SEL1L3: variants seen among roughly 807,000 people sequenced by gnomAD.
SEL1L3 encodes the protein SEL1L family member 3, also known as protein sel-1 homolog 3.
Under a neutral mutation model 142.8 loss-of-function variants are expected in SEL1L3, and 76 were observed. The observed-to-expected ratio is 0.53, with a 90% confidence interval of 0.44 to 0.64. SEL1L3 has a LOEUF of 0.64. Among genes scored for constraint, SEL1L3 ranks in the 30% least tolerant of loss-of-function variants. The probability of loss-of-function intolerance (pLI) is 0.00; values close to 1 mark genes in which losing one functional copy is unlikely to be tolerated. For missense variants in SEL1L3, 1,262 were observed against 1,381.7 expected, an observed-to-expected ratio of 0.91 and a Z score of 1.37; for synonymous variants, 504 against 519.6, an observed-to-expected ratio of 0.97 and a Z score of 0.41.
chr4:25,728,540 C>T, the SEL1L3 span, among the ~76,000 whole-genome samples: 1 of 152,154 alleles, frequency 6.6e-6, no homozygotes, highest in Non-Finnish European at 1.5e-5. Context: ...TTCCTACCTA[C>T]CTGTCCAAAA....
the SEL1L3 span, among the ~76,000 whole-genome samples, chr4:25,730,505 C>G: frequency 3.4e-4 from 52 of 152,216 alleles, no homozygotes; most frequent in African/African-American, 1.0e-3. Context: ...ATCCCTCCAA[C>G]ACATACGCAC....
chr4:25,785,971 C>G (rs993696603), intron 13 of SEL1L3, among the ~76,000 whole-genome samples: 1 of 152,062 alleles, frequency 6.6e-6, no homozygotes, highest in Non-Finnish European at 1.5e-5. Flanking sequence ...AGTGGGATGA[C>G]TTTTCTTGCA....
chr4:25,782,473 T>C (rs1274059402), intron 14 of SEL1L3, 55 bp from the exon 15 acceptor site: 1 of 1,481,636 alleles, frequency 6.7e-7, no homozygotes, highest in Non-Finnish European at 9.2e-7. Flanking sequence ...TCTAGAGAGC[T>C]CTGGAAGCAA....
chr4:25,756,118 C>T (rs1200034126), intron 23 of SEL1L3: 146 of 985,300 alleles, frequency 1.5e-4, no homozygotes, highest in Non-Finnish European at 1.6e-4. Flanking sequence ...CTTTCACTTT[C>T]CATTATCTGC....
intron 1 of SEL1L3, among the ~76,000 whole-genome samples, chr4:25,850,020 C>T (rs559781355): frequency 1.5e-4 from 23 of 152,168 alleles, no homozygotes; most frequent in African/African-American, 5.5e-4. Flanking sequence ...CGTAGAGACA[C>T]AAGGGAAAGG....
intron 2 of SEL1L3, among the ~76,000 whole-genome samples, chr4:25,839,041 C>A (rs1716007965): frequency 6.6e-6 from 1 of 152,172 alleles, no homozygotes; most frequent in Admixed American, 6.5e-5. Flanking sequence ...ACAATGACTA[C>A]AAGTCTGTAA....
At chr4:25,762,529 G>C (rs1718439658) in intron 20 of SEL1L3, among the ~76,000 whole-genome samples, 4 of 152,132 alleles carry the variant, frequency 2.6e-5, no homozygotes, top group Non-Finnish European at 5.9e-5. Flanking sequence ...CAATAAATAA[G>C]TTAGTAAACA....
At chr4:25,724,507 C>T in the SEL1L3 span, among the ~76,000 whole-genome samples, 54 of 151,496 alleles carry the variant, frequency 3.6e-4, no homozygotes, top group Non-Finnish European at 5.7e-4. Flanking sequence ...TTTGGGAGGC[C>T]GAGGCAGGCG....
At chr4:25,811,671 AAAAC>A (rs979233116) in intron 9 of SEL1L3, among the ~76,000 whole-genome samples, 10 of 152,224 alleles carry the variant, frequency 6.6e-5, no homozygotes, top group Non-Finnish European at 7.3e-5. Flanking sequence ...AGAGTCTTAA[AAAAC>A]AAACAAACAA....
chr4:25,855,722 C>G (rs939943522), intron 1 of SEL1L3, among the ~76,000 whole-genome samples: 1 of 152,014 alleles, frequency 6.6e-6, no homozygotes, highest in Admixed American at 6.5e-5. Context: ...GATTGTGCCA[C>G]TGCACTCCAG....
At chr4:25,717,403 C>T in the SEL1L3 span, among the ~76,000 whole-genome samples, 5 of 152,102 alleles carry the variant, frequency 3.3e-5, no homozygotes, top group Admixed American at 6.5e-5. Context: ...CAGTGGCTCA[C>T]GCCTGTAATC....
At chr4:25,777,391 G>A (rs1719707595) in intron 16 of SEL1L3, among the ~76,000 whole-genome samples, 1 of 152,080 alleles carries the variant, frequency 6.6e-6, no homozygotes, top group African/African-American at 2.4e-5. Context: ...AAATATAGTT[G>A]GAGATTTTAA....
intron 2 of SEL1L3, among the ~76,000 whole-genome samples, chr4:25,842,629 C>CA (rs1418624605): frequency 3.9e-5 from 6 of 152,214 alleles, no homozygotes; most frequent in Admixed American, 3.9e-4. Flanking sequence ...CCTCCACCCC[C>CA]ACACCCTCCC....
chr4:25,755,999 G>A lies in SEL1L3; in HGVS notation c.3259+1535C>T, dbSNP rs113749662. On this transcript the variant is annotated intron_variant, in intron 23 of 23. Transcript: ENST00000399878. ...TGGGGCATCAAGCCTGGAAGGTTTT[G>A]ATGGGTCCTTGTTAACCTCCTCAGG... 8.9e-4 allele frequency: 880 copies of A among 985,426 alleles called. 4 individuals carry two copies. The highest frequency in any genetic ancestry group is 9.6e-4 in the Non-Finnish European group (797 of 829,932). 61.0% of individuals were successfully genotyped at this position (985,426 alleles called of 1,614,324 possible). A position where few individuals can be genotyped will look rare whatever the true frequency, so the allele number is the denominator to read the frequency against.
intron 6 of SEL1L3, among the ~76,000 whole-genome samples, chr4:25,828,390 G>GT (rs59020419): frequency 0.049 from 6,909 of 140,712 alleles, 400 homozygotes; most frequent in African/African-American, 0.14. Flanking sequence ...TTATCTTTTC[G>GT]TTTTTTTTTT....
At chr4:25,840,245 A>C (rs1316023617) in intron 2 of SEL1L3, among the ~76,000 whole-genome samples, 1 of 152,220 alleles carries the variant, frequency 6.6e-6, no homozygotes, top group Non-Finnish European at 1.5e-5. Context: ...CTAGGCATTA[A>C]TTAGTGTTAT....
chr4:25,730,124 G>T, the SEL1L3 span, among the ~76,000 whole-genome samples: 1 of 151,916 alleles, frequency 6.6e-6, no homozygotes, highest in Non-Finnish European at 1.5e-5. Flanking sequence ...AGTAGAGACG[G>T]GGTTTCACTA....
chr4:25,782,861 C>T (rs1323193771), intron 14 of SEL1L3, among the ~76,000 whole-genome samples: 5 of 152,162 alleles, frequency 3.3e-5, no homozygotes, highest in Non-Finnish European at 5.9e-5. Context: ...AACACCAACA[C>T]GCACTCTATG....
At chr4:25,830,212 A>G in intron 5 of SEL1L3, 56 bp from the exon 6 acceptor site, 4 of 1,095,692 alleles carry the variant, frequency 3.7e-6, no homozygotes, top group Non-Finnish European at 2.8e-6. Flanking sequence ...TACATTACCT[A>G]TGCAGTCCTT....
Sources: gnomAD v4.1 joint callset for allele counts (sites outside exome capture counted in the v4.1 genomes callset) on GRCh38, gnomAD v4.1.1 for gene constraint, MANE v1.5 for transcripts, NCBI Gene and HGNC (gene_info 2026-07-23, HGNC 2026-07-21) for gene names.